PTPRD: variants seen among roughly 807,000 people sequenced by gnomAD.
PTPRD encodes protein tyrosine phosphatase receptor type D.
Under a neutral mutation model 214.5 loss-of-function variants are expected in PTPRD, and 34 were observed. That is an observed-to-expected ratio of 0.16 (90% CI 0.12 to 0.21). PTPRD has a LOEUF of 0.21. PTPRD is among the 10% of genes least tolerant of loss of function. PTPRD has a pLI of 1.00. For missense variants in PTPRD, 2,545 were observed against 2,398.7 expected, an observed-to-expected ratio of 1.06 and a Z score of -1.27; for synonymous variants, 1,128 against 845.7, an observed-to-expected ratio of 1.33 and a Z score of -5.79.
chr9:10,208,350 T>TA (rs1212890304), intron 3 of PTPRD, among the ~76,000 whole-genome samples: 1 of 152,064 alleles, frequency 6.6e-6, no homozygotes, highest in Non-Finnish European at 1.5e-5. Context: ...CCGTCTCTAC[T>TA]AAAAATACAA....
At chr9:9,693,972 T>C (rs1470927986) in intron 7 of PTPRD, among the ~76,000 whole-genome samples, 2 of 152,202 alleles carry the variant, frequency 1.3e-5, no homozygotes, top group Non-Finnish European at 2.9e-5. Context: ...CTCTGTTAAA[T>C]TTATCCGACA....
chr9:9,256,582 C>A (rs2099977803), intron 9 of PTPRD, among the ~76,000 whole-genome samples: 1 of 151,942 alleles, frequency 6.6e-6, no homozygotes, highest in Non-Finnish European at 1.5e-5. Context: ...CTGCTTCAAC[C>A]AATGTTTGGC....
At chr9:8,642,080 T>A (rs917797487) in intron 12 of PTPRD, among the ~76,000 whole-genome samples, 1 of 152,186 alleles carries the variant, frequency 6.6e-6, no homozygotes, top group African/African-American at 2.4e-5. Flanking sequence ...ACCAGTAACA[T>A]CCACAGATGA....
intron 14 of PTPRD, among the ~76,000 whole-genome samples, chr9:8,586,288 G>C (rs140519392): frequency 6.6e-6 from 1 of 152,268 alleles, no homozygotes; most frequent in Non-Finnish European, 1.5e-5. Context: ...GACAGAGCTA[G>C]ATTCTGTCTC....
chr9:8,323,322 G>C (rs574494761), intron 44 of PTPRD, among the ~76,000 whole-genome samples: 1 of 152,266 alleles, frequency 6.6e-6, no homozygotes, highest in African/African-American at 2.4e-5. Flanking sequence ...AATGGATCAA[G>C]GAGGAATTTC....
chr9:9,593,768 A>C (rs2093007308), intron 7 of PTPRD, among the ~76,000 whole-genome samples: 1 of 152,076 alleles, frequency 6.6e-6, no homozygotes, highest in African/African-American at 2.4e-5. Context: ...CCTGATTATT[A>C]GCCACAATTG....
chr9:10,434,440 A>G (rs986190794), intron 2 of PTPRD, among the ~76,000 whole-genome samples: 1 of 151,974 alleles, frequency 6.6e-6, no homozygotes, highest in African/African-American at 2.4e-5. Context: ...GAGAATAATT[A>G]TCATTGGTTT....
intron 14 of PTPRD, among the ~76,000 whole-genome samples, chr9:8,552,572 A>G (rs2082422881): frequency 6.6e-6 from 1 of 152,128 alleles, no homozygotes; most frequent in South Asian, 2.1e-4. Context: ...ATTCATGATG[A>G]ACGGAGGCCA....
chr9:9,181,019 G>C (rs1308862279), intron 10 of PTPRD, among the ~76,000 whole-genome samples: 1 of 152,080 alleles, frequency 6.6e-6, no homozygotes, highest in South Asian at 2.1e-4. Flanking sequence ...GTCTTCGGTA[G>C]AGTAAAAATA....
At chr9:10,399,775 A>G (rs2098238695) in intron 2 of PTPRD, among the ~76,000 whole-genome samples, 2 of 151,894 alleles carry the variant, frequency 1.3e-5, no homozygotes, top group African/African-American at 2.4e-5. Context: ...TCTAAGAAAG[A>G]GCATGATATA....
intron 14 of PTPRD, among the ~76,000 whole-genome samples, chr9:8,570,022 C>T (rs1292725940): frequency 6.6e-6 from 1 of 152,054 alleles, no homozygotes; most frequent in African/African-American, 2.4e-5. Flanking sequence ...GAAGTACAAT[C>T]ACCATCGCAT....
chr9:9,813,412 G>C (rs2047771600), intron 5 of PTPRD, among the ~76,000 whole-genome samples: 1 of 151,744 alleles, frequency 6.6e-6, no homozygotes. Flanking sequence ...AAAAGACAGA[G>C]CTCAATAAAT....
Position 10,360,227 on chromosome 9 carries a change from G to A in PTPRD, c.-599-19210C>T, listed in dbSNP as rs1008199038. ...GACACTATCAGGCCAGTCACTCAGA[G>A]CAAGTTGGATTATCAATCCTGGCTT... On this transcript the variant is annotated intron_variant, in intron 2 of 45. Transcript: ENST00000381196. 2.3e-4 allele frequency among the ~76,000 whole-genome samples: 35 copies of A among 152,362 alleles called. 1 individual carries two copies. The highest frequency in any genetic ancestry group is 7.5e-4 in the African/African-American group (31 of 41,592).
chr9:10,474,184 G>A (rs1269994694), intron 2 of PTPRD, among the ~76,000 whole-genome samples: 1 of 151,926 alleles, frequency 6.6e-6, no homozygotes, highest in Non-Finnish European at 1.5e-5. Context: ...AAAGACACAG[G>A]CTGGCAAGTT....
intron 14 of PTPRD, among the ~76,000 whole-genome samples, chr9:8,559,342 T>C (rs2085245642): frequency 6.6e-6 from 1 of 152,204 alleles, no homozygotes; most frequent in South Asian, 2.1e-4. Flanking sequence ...TATATACAGA[T>C]ATCGAAATAT....
rs1212993140 is a variant in PTPRD at position 8,521,534 on chromosome 9, G to A, written c.704C>T (p.Pro235Leu). Reference protein sequence around the residue: ...VRELREVRRVPPRFSIPPTNH... With the variant: ...VRELREVRRVLPRFSIPPTNH... ...AGTGGGTGGGATAGAGAATCTTGGTGGGACACGGCGAACTGGAACAAAACA... is the reference window on the plus strand; with the variant it reads ...AGTGGGTGGGATAGAGAATCTTGGTAGGACACGGCGAACTGGAACAAAACA... The change falls in exon 20 of 46, where the codon CCA becomes CTA. Residue 235 changes from proline (P) to leucine (L), a missense_variant. By Grantham distance (98) the Pro-to-Leu change is moderately conservative. Transcript: ENST00000381196. 6.2e-7 allele frequency: 1 copy of A among 1,613,328 alleles called. No individual in the cohort carries two copies. The highest frequency in any genetic ancestry group is 1.3e-5 in the African/African-American group (1 of 74,872).
At chr9:9,495,408 C>G (rs1371041717) in intron 8 of PTPRD, among the ~76,000 whole-genome samples, 1 of 151,956 alleles carries the variant, frequency 6.6e-6, no homozygotes, top group Admixed American at 6.6e-5. Flanking sequence ...TTTTCCCACT[C>G]TCTCCCAATT....
At chr9:8,751,556 C>T (rs2154463292) in intron 11 of PTPRD, among the ~76,000 whole-genome samples, 1 of 152,274 alleles carries the variant, frequency 6.6e-6, no homozygotes, top group South Asian at 2.1e-4. Context: ...GAAAACAGGG[C>T]CCTTCCAATA....
chr9:8,771,769 TG>T (rs2095231172), intron 11 of PTPRD, among the ~76,000 whole-genome samples: 1 of 152,088 alleles, frequency 6.6e-6, no homozygotes, highest in Non-Finnish European at 1.5e-5. Context: ...ATTCAACCCT[TG>T]TTTTAGATGA....
Sources: allele counts gnomAD v4.1 joint callset (sites outside exome capture counted in the v4.1 genomes callset), GRCh38; gene constraint gnomAD v4.1.1; transcripts MANE v1.5; gene names NCBI Gene and HGNC (gene_info 2026-07-23, HGNC 2026-07-21).